The following ATP8B4 variants were observed in gnomAD, a reference collection of about 807,000 sequenced individuals.
ATP8B4 encodes probable phospholipid-transporting ATPase IM.
ATP8B4 carries 133 observed loss-of-function variants against 145.6 expected under a neutral mutation model. The observed-to-expected ratio is 0.91, with a 90% CI of 0.79 to 1.05. The LOEUF is 1.05. ATP8B4 is among the 50% of genes least tolerant of loss of function. The pLI is 0.00. For missense variants in ATP8B4, 1,458 were observed against 1,425.2 expected (o/e 1.02, Z -0.37); for synonymous variants, 507 against 492.9 (o/e 1.03, Z -0.38).
chr15:49,933,870 A>T, intron 15 of ATP8B4, 147 bp downstream of exon 15: 2 of 793,116 alleles, frequency 2.5e-6, no homozygotes, highest in African/African-American at 1.8e-5. Flanking sequence ...CTTCAAATTT[A>T]ACATCAGTTT....
rs774228309 is a variant in ATP8B4, at chr15:49,918,958, G to C, written c.1924-8C>G. The C allele has an allele frequency of 4.8e-5, 75 of 1,577,728 alleles. No homozygotes were observed. The African/African-American group carries it at 9.2e-4, about 19-fold the overall frequency. On this transcript the variant is annotated splice_region_variant and splice_polypyrimidine_tract_variant and intron_variant, in intron 18 of 27. Coordinates refer to ENST00000284509, the MANE Select transcript of ATP8B4 (RefSeq NM_024837.4). Reference sequence around the variant, plus strand: ...AGCAGTGGCACCTAGTAGCTTTATTGAAAAAGAGAGAAAAGTTTATGTTAA... The same window carrying C: ...AGCAGTGGCACCTAGTAGCTTTATTCAAAAAGAGAGAAAAGTTTATGTTAA...
intron 2 of ATP8B4, among the ~76,000 whole-genome samples, chr15:50,087,778 CTTAAG>C (rs2055318177): frequency 6.6e-6 from 1 of 151,882 alleles, no homozygotes; most frequent in Non-Finnish European, 1.5e-5. Flanking sequence ...TACCATAATT[CTTAAG>C]TTAATGTTAA....
chr15:50,102,236 C>T (rs879515632), intron 2 of ATP8B4, among the ~76,000 whole-genome samples: 1 of 151,694 alleles, frequency 6.6e-6, no homozygotes, highest in Non-Finnish European at 1.5e-5. Context: ...AAAGAAATAA[C>T]CAAGATCAGA....
At chr15:49,965,989 G>T (rs1404309611) in intron 13 of ATP8B4, among the ~76,000 whole-genome samples, 2 of 152,152 alleles carry the variant, frequency 1.3e-5, no homozygotes, top group Non-Finnish European at 2.9e-5. Flanking sequence ...ATAGGGTGGG[G>T]TGTCACCTCA....
intron 13 of ATP8B4, among the ~76,000 whole-genome samples, chr15:49,970,886 A>G (rs956168576): frequency 4.6e-5 from 7 of 152,368 alleles, no homozygotes; most frequent in African/African-American, 1.7e-4. Flanking sequence ...ACAAGGCTAC[A>G]GCAACCAAAA....
intron 25 of ATP8B4, among the ~76,000 whole-genome samples, chr15:49,869,618 A>G (rs905859585): frequency 1.3e-5 from 2 of 152,188 alleles, no homozygotes; most frequent in Non-Finnish European, 2.9e-5. Context: ...AAACACACGG[A>G]AAACTTAATA....
At chr15:50,027,725 G>A (rs1428525846) in intron 6 of ATP8B4, among the ~76,000 whole-genome samples, 7 of 152,168 alleles carry the variant, frequency 4.6e-5, no homozygotes, top group Non-Finnish European at 8.8e-5. Context: ...GGAATGCTAA[G>A]CTTATGGAAA....
intron 1 of ATP8B4, among the ~76,000 whole-genome samples, chr15:50,180,347 A>G (rs1421960204): frequency 6.6e-6 from 1 of 152,232 alleles, no homozygotes; most frequent in Non-Finnish European, 1.5e-5. Flanking sequence ...TAGTGAAAGC[A>G]AAACTAGATC....
chr15:50,159,908 A>T (rs2044489738), intron 1 of ATP8B4, among the ~76,000 whole-genome samples: 1 of 151,818 alleles, frequency 6.6e-6, no homozygotes, highest in Non-Finnish European at 1.5e-5. Context: ...GGCCTCCTAG[A>T]ATGAGTTAAA....
At chr15:49,886,515 C>A (rs1000997747) in intron 23 of ATP8B4, among the ~76,000 whole-genome samples, 1 of 152,076 alleles carries the variant, frequency 6.6e-6, no homozygotes, top group Admixed American at 6.5e-5. Flanking sequence ...AAATAGAATT[C>A]TTTATTGAGA....
chr15:49,920,543 ACT>A (rs1428082405), intron 17 of ATP8B4, 133 bp from the exon 18 acceptor site: 2 of 1,002,552 alleles, frequency 2.0e-6, no homozygotes, highest in East Asian at 5.3e-5. Flanking sequence ...GGCTATCCTT[ACT>A]CTCAACTTTT....
intron 14 of ATP8B4, among the ~76,000 whole-genome samples, chr15:49,951,524 CT>C (rs1411462068): frequency 2.0e-5 from 3 of 151,738 alleles, no homozygotes; most frequent in South Asian, 4.2e-4. Flanking sequence ...GCAAACCCTG[CT>C]TTTTTTTGCT....
chr15:50,045,855 A>T (rs1567257370), intron 4 of ATP8B4, among the ~76,000 whole-genome samples: 1 of 152,258 alleles, frequency 6.6e-6, no homozygotes, highest in Non-Finnish European at 1.5e-5. Flanking sequence ...AGAGAAATGA[A>T]TTCAAAATTC....
chr15:49,897,344 G>A lies in ATP8B4; in HGVS notation c.2645C>T (p.Ala882Val), dbSNP rs763059590. The A allele has an allele frequency of 1.2e-6, 2 of 1,613,606 alleles. No homozygotes were observed. The highest frequency in any genetic ancestry group is 1.7e-6 in the Non-Finnish European group (2 of 1,179,816). The change falls in exon 23 of 28, where the codon GCA becomes GTA. Residue 882 changes from alanine (A) to valine (V), a missense_variant. By Grantham distance (64) the Ala-to-Val change is moderately conservative (BLOSUM62 0). Transcript: ENST00000284509. ...AAACCAGAAATGCACAAGTGTAAAT[G>A]CAAAATTCTTATAGAAGAAATAGCA... ...FLCYFFYKNF[A>V]FTLVHFWFGF...
At chr15:50,046,047 A>T (rs2153607474) in intron 4 of ATP8B4, among the ~76,000 whole-genome samples, 1 of 152,330 alleles carries the variant, frequency 6.6e-6, no homozygotes, top group Non-Finnish European at 1.5e-5. Context: ...TTAGGGAACC[A>T]TCATATCCCC....
intron 2 of ATP8B4, among the ~76,000 whole-genome samples, chr15:50,080,476 T>C (rs942058647): frequency 1.4e-4 from 21 of 152,114 alleles, no homozygotes; most frequent in African/African-American, 5.1e-4. Context: ...CAAAACTATA[T>C]CCACTTATGC....
chr15:50,001,186 T>C (rs2047865409), intron 8 of ATP8B4, among the ~76,000 whole-genome samples: 1 of 152,138 alleles, frequency 6.6e-6, no homozygotes, highest in Non-Finnish European at 1.5e-5. Context: ...GCTCTTATCT[T>C]ATTATCTCCT....
chr15:49,894,366 G>A (rs1000371745), intron 23 of ATP8B4, among the ~76,000 whole-genome samples: 10 of 152,122 alleles, frequency 6.6e-5, no homozygotes, highest in African/African-American at 1.7e-4. Flanking sequence ...TAAGGTCATC[G>A]TACAAATCGG....
chr15:50,078,761 A>G (rs2054352243), intron 2 of ATP8B4, among the ~76,000 whole-genome samples: 2 of 151,380 alleles, frequency 1.3e-5, no homozygotes, highest in Non-Finnish European at 2.9e-5. Flanking sequence ...CTTCCAAAAG[A>G]AAAAAAAATG....
Sources: allele counts gnomAD v4.1 joint callset (sites outside exome capture counted in the v4.1 genomes callset), GRCh38; gene constraint gnomAD v4.1.1; transcripts MANE v1.5; gene names NCBI Gene and HGNC (gene_info 2026-07-23, HGNC 2026-07-21).